Variants in ARHGAP15 observed in about 807,000 individuals in gnomAD.
The protein encoded by ARHGAP15 is Rho GTPase activating protein 15.
Under a neutral mutation model 63.7 loss-of-function variants are expected in ARHGAP15, and 51 were observed. That is an observed-to-expected ratio of 0.80 (90% confidence interval 0.64 to 1.01). ARHGAP15 has a LOEUF of 1.01. Ranked by LOEUF, ARHGAP15 falls within the 50% of genes least tolerant of loss-of-function variation. The pLI, the probability that ARHGAP15 is intolerant of heterozygous loss-of-function variation, is 0.00. For missense variants in ARHGAP15, 560 were observed against 564.6 expected (o/e 0.99, Z 0.08); for synonymous variants, 191 against 193.8 (o/e 0.99, Z 0.12).
chr2:143,145,678 T>A (rs1288928199), intron 1 of ARHGAP15, among the ~76,000 whole-genome samples: 1 of 152,028 alleles, frequency 6.6e-6, no homozygotes, highest in African/African-American at 2.4e-5. Flanking sequence ...TGACCACAGA[T>A]CTATGTAATT....
chr2:143,219,435 T>C (rs1275631367), intron 4 of ARHGAP15, among the ~76,000 whole-genome samples: 2 of 152,224 alleles, frequency 1.3e-5, no homozygotes, highest in African/African-American at 2.4e-5. Context: ...AGCATGACTG[T>C]ATATGAATTG....
intron 10 of ARHGAP15, among the ~76,000 whole-genome samples, chr2:143,520,890 G>A (rs981044973): frequency 2.0e-5 from 3 of 152,118 alleles, no homozygotes; most frequent in Admixed American, 6.6e-5. Context: ...CATTCCTCCC[G>A]ATTTATGTCT....
chr2:143,632,592 C>T lies in ARHGAP15; in HGVS notation c.1138+8325C>T, dbSNP rs76870304. On this transcript the variant is annotated intron_variant, in intron 12 of 13. Coordinates refer to ENST00000295095, the MANE Select transcript of ARHGAP15 (RefSeq NM_018460.4). ...CACCATTAAAATGCAGACTATTAGC[C>T]ACCAAAAGTAGAGATTATCCTGTGC... 2.1e-3 allele frequency among the ~76,000 whole-genome samples: 321 copies of T among 152,174 alleles called. 8 individuals carry two copies. The East Asian group carries it at 0.059, about 28-fold the overall frequency.
intron 10 of ARHGAP15, among the ~76,000 whole-genome samples, chr2:143,546,674 A>G (rs563602828): frequency 5.9e-5 from 9 of 151,984 alleles, no homozygotes; most frequent in African/African-American, 1.7e-4. Flanking sequence ...TGTTACCTCT[A>G]TTTGTTTTAA....
intron 3 of ARHGAP15, among the ~76,000 whole-genome samples, chr2:143,209,357 G>T (rs947084434): frequency 4.6e-5 from 7 of 151,938 alleles, no homozygotes; most frequent in African/African-American, 1.7e-4. Context: ...TATTTCATGT[G>T]CCCTTCCTTT....
intron 9 of ARHGAP15, among the ~76,000 whole-genome samples, chr2:143,518,355 T>C (rs1213166482): frequency 6.6e-6 from 1 of 152,200 alleles, no homozygotes; most frequent in Non-Finnish European, 1.5e-5. Flanking sequence ...GCGTCAATCA[T>C]GTTCCAAATG....
intron 10 of ARHGAP15, among the ~76,000 whole-genome samples, chr2:143,541,796 T>A (rs1256012004): frequency 6.6e-6 from 1 of 152,212 alleles, no homozygotes; most frequent in East Asian, 1.9e-4. Context: ...TACTGGGGGA[T>A]GCCTCCCAGC....
chr2:143,696,068 A>G (rs1683831453), intron 12 of ARHGAP15, among the ~76,000 whole-genome samples: 1 of 152,152 alleles, frequency 6.6e-6, no homozygotes, highest in Non-Finnish European at 1.5e-5. Context: ...GATTAAATAG[A>G]ATTTTACACT....
chr2:143,323,894 C>CAAAAAAAAAAAAAA (rs55804357), intron 6 of ARHGAP15, among the ~76,000 whole-genome samples: 1 of 26,174 alleles, frequency 3.8e-5, no homozygotes, highest in African/African-American at 1.9e-4. Flanking sequence ...GACTCCGTCT[C>CAAAAAAAAAAAAAA]AAAAAAAAAA....
At chr2:143,296,838 T>TC (rs1682653909) in intron 6 of ARHGAP15, among the ~76,000 whole-genome samples, 1 of 151,924 alleles carries the variant, frequency 6.6e-6, no homozygotes, top group East Asian at 1.9e-4. Flanking sequence ...CTCAAGTAGA[T>TC]CCCAGTGTCT....
At chr2:143,510,383 G>A (rs926996443) in intron 9 of ARHGAP15, among the ~76,000 whole-genome samples, 2 of 152,134 alleles carry the variant, frequency 1.3e-5, no homozygotes, top group Non-Finnish European at 2.9e-5. Context: ...ATCATCTAGA[G>A]AAACTTCCAG....
At chr2:143,261,331 T>A (rs1354839197) in intron 6 of ARHGAP15, among the ~76,000 whole-genome samples, 16 of 123,964 alleles carry the variant, frequency 1.3e-4, no homozygotes, top group Non-Finnish European at 2.2e-4. Context: ...TGACCTTTTT[T>A]TTTTTTTTTT....
intron 6 of ARHGAP15, among the ~76,000 whole-genome samples, chr2:143,303,154 T>A (rs1446314680): frequency 6.6e-6 from 1 of 151,718 alleles, no homozygotes; most frequent in Non-Finnish European, 1.5e-5. Context: ...AAGCCAAAAT[T>A]GACAAATGGG....
intron 4 of ARHGAP15, chr2:143,228,305 C>T: frequency 9.0e-6 from 2 of 222,324 alleles, no homozygotes; most frequent in Non-Finnish European, 8.7e-6. Flanking sequence ...CATGGATACA[C>T]AAAAAATGGA....
At chr2:143,330,132 C>CAAAAACAAAAA (rs367621500) in intron 6 of ARHGAP15, among the ~76,000 whole-genome samples, 1 of 48,932 alleles carries the variant, frequency 2.0e-5, no homozygotes, top group South Asian at 9.3e-4. Context: ...AAAAAAAAAA[C>CAAAAACAAAAA]CAAAAACAAA....
chr2:143,742,203 C>A, intron 13 of ARHGAP15, among the ~76,000 whole-genome samples: 1 of 152,168 alleles, frequency 6.6e-6, no homozygotes, highest in East Asian at 1.9e-4. Context: ...TGATCACAAG[C>A]TAGGAAGGTA....
At chr2:143,483,065 CT>C (rs1692150931) in intron 8 of ARHGAP15, among the ~76,000 whole-genome samples, 1 of 152,202 alleles carries the variant, frequency 6.6e-6, no homozygotes, top group African/African-American at 2.4e-5. Context: ...GTCCAAGACT[CT>C]GCTAGTTTCT....
intron 6 of ARHGAP15, among the ~76,000 whole-genome samples, chr2:143,420,224 G>A (rs972212123): frequency 1.3e-5 from 2 of 152,148 alleles, no homozygotes; most frequent in African/African-American, 4.8e-5. Context: ...TGGGCTAGGT[G>A]GAGGAGACTC....
chr2:143,459,567 T>C (rs1281969987), intron 8 of ARHGAP15, among the ~76,000 whole-genome samples: 1 of 152,170 alleles, frequency 6.6e-6, no homozygotes, highest in African/African-American at 2.4e-5. Context: ...TTTATCTGTA[T>C]TGCATACCTA....
Sources: gnomAD v4.1 joint callset for allele counts (sites outside exome capture counted in the v4.1 genomes callset) on GRCh38, gnomAD v4.1.1 for gene constraint, MANE v1.5 for transcripts, NCBI Gene and HGNC (gene_info 2026-07-23, HGNC 2026-07-21) for gene names.